TOGARAM2: variants seen among roughly 807,000 people sequenced by gnomAD.
TOGARAM2 encodes TOG array regulator of axonemal microtubules 2.
In TOGARAM2, 85 loss-of-function variants were observed where a neutral mutation model predicts 93.3. The observed-to-expected ratio is 0.91, with a 90% confidence interval of 0.76 to 1.09. The LOEUF is 1.09. TOGARAM2 is among the 50% of genes least tolerant of loss of function. TOGARAM2 has a pLI of 0.00. For missense variants in TOGARAM2, 1,277 were observed against 1,334.5 expected (o/e 0.96, Z 0.67); for synonymous variants, 593 against 552.8 (o/e 1.07, Z -1.02).
chr2:29,000,571 C>T (rs939802296), intron 4 of TOGARAM2, among the ~76,000 whole-genome samples: 1 of 152,116 alleles, frequency 6.6e-6, no homozygotes, highest in African/African-American at 2.4e-5. Flanking sequence ...CTCTTTTCAG[C>T]GGAATGAACT....
In TOGARAM2 at chr2:29,044,638, G is replaced by A. The variant is rs147093664; in HGVS notation, c.2636-686G>A. 3.0e-4 allele frequency among the ~76,000 whole-genome samples: 46 copies of A among 152,120 alleles called. No individual in the cohort carries two copies. In the South Asian group the frequency reaches 6.6e-3, roughly 22 times the overall value. The stretch of plus-strand genomic sequence containing the variant: ...CTGGTGTCAGGGTTCATGTCTAAGC[G>A]TCTGTCTGCTTGTCAGAGGAGCCTC... On this transcript the variant is annotated intron_variant, in intron 18 of 19. Transcript: ENST00000379558.
Position 28,975,378 on chromosome 2 carries a change from C to T in TOGARAM2, c.-147+18681C>T, listed in dbSNP as rs546488602. The stretch of plus-strand genomic sequence containing the variant: ...TATGTTTTTGTGTTTTTAGTAGAGA[C>T]GGGGTTTCACTGTGTTTGCCAGGAT... On this transcript the variant is annotated intron_variant, in intron 1 of 6. Coordinates refer to the TOGARAM2 transcript ENST00000401723. 5.0e-3 allele frequency among the ~76,000 whole-genome samples: 766 copies of T among 152,022 alleles called. 7 individuals carry two copies. The highest frequency in any genetic ancestry group is 7.0e-3 in the African/African-American group (289 of 41,476).
At chr2:28,990,062 C>A (rs549919784) in intron 1 of TOGARAM2, among the ~76,000 whole-genome samples, 3 of 152,224 alleles carry the variant, frequency 2.0e-5, no homozygotes, top group Admixed American at 6.5e-5. Flanking sequence ...GGCTGCCTCC[C>A]ATGAGGGGAG....
intron 8 of TOGARAM2, among the ~76,000 whole-genome samples, chr2:29,016,337 C>T (rs1664569816): frequency 6.6e-6 from 1 of 152,148 alleles, no homozygotes; most frequent in Non-Finnish European, 1.5e-5. Context: ...CTCCTAAACA[C>T]TCTTCCTGCT....
At chr2:29,020,472 T>C (rs1241465268) in intron 10 of TOGARAM2, among the ~76,000 whole-genome samples, 1 of 152,112 alleles carries the variant, frequency 6.6e-6, no homozygotes, top group East Asian at 1.9e-4. Flanking sequence ...GTTGTGTGTG[T>C]GAAAAATAGA....
At position 28,957,873 on chromosome 2, in the gene TOGARAM2, G is replaced by GC. The variant is rs1201888070; in HGVS notation, c.-147+1179dup. 6.6e-5 allele frequency among the ~76,000 whole-genome samples: 10 copies of GC among 152,224 alleles called. No homozygotes were observed. The South Asian group carries it at 8.3e-4, about 13-fold the overall frequency. ...ACTCTCTCACAGCTGGGTGTTCAGG[G>GC]CCCTGCATTTGACACAGTGTTGAAT... On this transcript the variant is annotated intron_variant, in intron 1 of 6. Transcript: ENST00000401723.
In TOGARAM2 at chr2:29,006,330, ATGTG is replaced by A. The variant is rs1216331767; in HGVS notation, c.830+2654_830+2657del. On this transcript the variant is annotated intron_variant, in intron 6 of 19. Transcript: ENST00000379558. Reference sequence around the variant, plus strand: ...GAGTGCCTGTGTGTGGAGTGTGTGCATGTGTGTGTATGTGTGTATGTGTGAGTGC... The same window carrying A: ...GAGTGCCTGTGTGTGGAGTGTGTGCATGTGTATGTGTGTATGTGTGAGTGC... Among the ~76,000 whole-genome samples the A allele has an allele frequency of 3.5e-5, 4 of 114,570 alleles. No homozygotes were observed. In the East Asian group the frequency reaches 8.5e-4, roughly 24 times the overall value. The allele number at this position is 114,570 out of a possible 152,430, so 75.2% of individuals were successfully genotyped here.
intron 6 of TOGARAM2, among the ~76,000 whole-genome samples, chr2:29,006,255 C>CAT (rs1663826718): frequency 7.5e-6 from 1 of 133,802 alleles, no homozygotes; most frequent in Non-Finnish European, 1.6e-5. Context: ...AGTGTGTGTG[C>CAT]ATGTGTGTGG....
At chr2:28,960,541 C>T (rs574370051) in intron 1 of TOGARAM2, among the ~76,000 whole-genome samples, 17 of 152,282 alleles carry the variant, frequency 1.1e-4, no homozygotes, top group African/African-American at 2.9e-4. Flanking sequence ...TGCTCTAAAA[C>T]GGTCTCTTAC....
At chr2:29,041,660 A>AG (rs1306492597) in intron 18 of TOGARAM2, among the ~76,000 whole-genome samples, 1 of 152,100 alleles carries the variant, frequency 6.6e-6, no homozygotes, top group East Asian at 1.9e-4. Context: ...CATTGTAGAG[A>AG]GGGGAGTCTG....
At chr2:29,036,423 A>G in intron 17 of TOGARAM2, 118 bp from the exon 18 acceptor site, 1 of 829,832 alleles carries the variant, frequency 1.2e-6, no homozygotes, top group Non-Finnish European at 1.9e-6. Context: ...TCAGGGACGC[A>G]GGAGGAGTCT....
At chr2:28,978,572 C>T (rs1672068959), upstream of TOGARAM2, among the ~76,000 whole-genome samples, 1 of 152,126 alleles carries the variant, frequency 6.6e-6, no homozygotes, top group South Asian at 2.1e-4. Context: ...CCAAATCCAT[C>T]AGCATGGAAA....
chr2:29,033,608 G>C (rs1159567225), intron 16 of TOGARAM2, 45 bp downstream of exon 16: 1 of 1,574,600 alleles, frequency 6.4e-7, no homozygotes, highest in East Asian at 2.3e-5. Flanking sequence ...TAAGACTTCT[G>C]ACAGAGGCAT....
intron 1 of TOGARAM2, among the ~76,000 whole-genome samples, chr2:28,960,643 C>A (rs1220703196): frequency 2.0e-5 from 3 of 152,210 alleles, no homozygotes; most frequent in African/African-American, 7.2e-5. Context: ...TGGATTAGAT[C>A]ATTTCCCTAA....
At chr2:29,003,318 G>C (rs1673415448) in intron 5 of TOGARAM2, among the ~76,000 whole-genome samples, 174 bp from the exon 6 acceptor site, 1 of 152,188 alleles carries the variant, frequency 6.6e-6, no homozygotes, top group Admixed American at 6.5e-5. Context: ...GTCACAAAAG[G>C]GCTTGCCAGT....
At chr2:28,965,325 G>C (rs1671853029) in intron 1 of TOGARAM2, among the ~76,000 whole-genome samples, 1 of 152,144 alleles carries the variant, frequency 6.6e-6, no homozygotes, top group Non-Finnish European at 1.5e-5. Context: ...CGTCTCATCT[G>C]TTTTTATTGC....
In TOGARAM2 at chr2:28,988,797, C is replaced by T. The variant is rs928611613; in HGVS notation, c.-110-5928C>T. 1.2e-4 allele frequency among the ~76,000 whole-genome samples: 18 copies of T among 152,152 alleles called. No individual in the cohort carries two copies. In the East Asian group the frequency reaches 1.7e-3, roughly 15 times the overall value. ...CAGACCTCAGCAATTTTCTGTGACCCGCATGCCTCCACAGGCACAGACCTT... is the reference window on the plus strand; with the variant it reads ...CAGACCTCAGCAATTTTCTGTGACCTGCATGCCTCCACAGGCACAGACCTT... On this transcript the variant is annotated intron_variant, in intron 1 of 19. Transcript: ENST00000379558.
At chr2:28,967,187 C>A (rs993116908) in intron 1 of TOGARAM2, among the ~76,000 whole-genome samples, 5 of 152,104 alleles carry the variant, frequency 3.3e-5, no homozygotes, top group African/African-American at 1.2e-4. Context: ...AAAGTCTAGA[C>A]TTTATTAATT....
intron 19 of TOGARAM2, chr2:29,051,303 C>A (rs1667048241): frequency 6.5e-6 from 1 of 153,498 alleles, no homozygotes; most frequent in Non-Finnish European, 1.4e-5. Flanking sequence ...GAGGTTGGTT[C>A]AGCATTTTTA....
Sources: gnomAD v4.1 joint callset for allele counts (sites outside exome capture counted in the v4.1 genomes callset) on GRCh38, gnomAD v4.1.1 for gene constraint, MANE v1.5 for transcripts, NCBI Gene and HGNC (gene_info 2026-07-23, HGNC 2026-07-21) for gene names.